The following LRP1B variants were observed in gnomAD, a reference collection of about 807,000 sequenced individuals.
LRP1B encodes low-density lipoprotein receptor-related protein 1B.
Under a neutral mutation model 556.6 loss-of-function variants are expected in LRP1B, and 217 were observed. That is an observed-to-expected ratio of 0.39 (90% CI 0.35 to 0.44). The LOEUF is 0.44. LRP1B is among the 20% of genes least tolerant of loss of function. The pLI is 1.00. For missense variants in LRP1B, 5,053 were observed against 5,620.8 expected (o/e 0.90, Z 3.23); for synonymous variants, 2,047 against 1,865.8 (o/e 1.10, Z -2.50).
intron 66 of LRP1B, among the ~76,000 whole-genome samples, chr2:140,427,313 T>C (rs1685705012): frequency 6.6e-6 from 1 of 152,160 alleles, no homozygotes. Context: ...CTCACCCACG[T>C]TGCAGCCCAG....
chr2:141,382,805 T>G (rs911955719), intron 3 of LRP1B, among the ~76,000 whole-genome samples: 3 of 152,206 alleles, frequency 2.0e-5, no homozygotes, highest in Admixed American at 6.5e-5. Context: ...TCTTTGACAT[T>G]GGTCTCAGCA....
At chr2:141,084,467 G>T (rs1243202856) in intron 7 of LRP1B, among the ~76,000 whole-genome samples, 1 of 152,154 alleles carries the variant, frequency 6.6e-6, no homozygotes, top group Non-Finnish European at 1.5e-5. Context: ...AAACCATAGA[G>T]AAATGGCAAA....
chr2:140,373,903 G>A (rs1683105345), intron 68 of LRP1B, among the ~76,000 whole-genome samples: 1 of 152,138 alleles, frequency 6.6e-6, no homozygotes, highest in African/African-American at 2.4e-5. Flanking sequence ...AATCTGTTTT[G>A]CATGGGCAAA....
intron 18 of LRP1B, among the ~76,000 whole-genome samples, chr2:140,966,742 G>T (rs967889316): frequency 6.6e-6 from 1 of 152,118 alleles, no homozygotes; most frequent in Non-Finnish European, 1.5e-5. Context: ...AAGGGATCCC[G>T]TTTCAGCTTT....
At chr2:141,211,150 G>C (rs991654348) in intron 6 of LRP1B, among the ~76,000 whole-genome samples, 8 of 151,782 alleles carry the variant, frequency 5.3e-5, no homozygotes, top group African/African-American at 2.4e-5. Context: ...ACCATGCTCA[G>C]CTAATTTTGG....
chr2:141,243,002 G>A (rs960671839), intron 5 of LRP1B, among the ~76,000 whole-genome samples: 2 of 151,954 alleles, frequency 1.3e-5, no homozygotes, highest in African/African-American at 4.8e-5. Flanking sequence ...TTAAAAGAAA[G>A]TCAAATTTTA....
At chr2:140,543,594 T>C (rs189258505) in intron 43 of LRP1B, among the ~76,000 whole-genome samples, 71 of 151,978 alleles carry the variant, frequency 4.7e-4, no homozygotes, top group African/African-American at 1.4e-3. Flanking sequence ...AATAGAAATA[T>C]AACGAGGCAC....
intron 43 of LRP1B, among the ~76,000 whole-genome samples, chr2:140,566,492 T>G (rs1350574597): frequency 1.3e-5 from 2 of 152,070 alleles, no homozygotes; most frequent in Admixed American, 1.3e-4. Context: ...TCAGCTGGAG[T>G]TGAGCACTGC....
chr2:140,582,135 T>C (rs1373021281), intron 43 of LRP1B, among the ~76,000 whole-genome samples: 1 of 152,130 alleles, frequency 6.6e-6, no homozygotes, highest in Non-Finnish European at 1.5e-5. Context: ...AAAAAAAAAT[T>C]CTCATTTACC....
At chr2:141,050,525 G>C (rs958833889) in intron 10 of LRP1B, among the ~76,000 whole-genome samples, 1 of 151,966 alleles carries the variant, frequency 6.6e-6, no homozygotes, top group Non-Finnish European at 1.5e-5. Flanking sequence ...AGGCCCCGTT[G>C]TGTGTTGTTC....
In LRP1B at chr2:141,480,475, G is replaced by A. The variant is rs768054323; in HGVS notation, c.264C>T (p.Asn88=). The A allele has an allele frequency of 1.2e-6, 2 of 1,613,946 alleles. No homozygotes were observed. The highest frequency in any genetic ancestry group is 2.2e-5 in the South Asian group (2 of 91,080). The part of the protein sequence containing the change: ...PLNHIACLGT[N]KCVHLSQLCN... ...ACAGCTGGGATAAATGAACACATTT[G>A]TTGGTACCAAGGCAAGCAATGTGAT... Residue 88 remains asparagine (N), a synonymous_variant, in exon 3 of 91, where the codon AAC becomes AAT. Transcript: ENST00000389484.
rs2104951853 is a variant in LRP1B, at chr2:140,274,451, T to C, written c.13115A>G (p.Asn4372Ser). 1 of 1,612,566 alleles carries C rather than the reference T, an allele frequency of 6.2e-7. No homozygotes were observed. Among genetic ancestry groups the C allele is most frequent in the Non-Finnish European group, 8.5e-7 (1 of 1,179,012 alleles). Residue 4372 changes from asparagine (N) to serine (S), a missense_variant, in exon 85 of 91, where the codon AAT becomes AGT. Asn to Ser is a conservative substitution (Grantham distance 46, BLOSUM62 1). This residue lies in a region of LRP1B where 551 missense variants were observed against 592.0 expected (regional missense o/e 0.93). Transcript: ENST00000389484. ...VRCHGGHCII[N>S]KDSEDIFCNC... ...GCAAAATATATCTTCACTGTCTTTA[T>C]TTATAATGCAGTGCCCCCCATGGCA...
intron 23 of LRP1B, among the ~76,000 whole-genome samples, chr2:140,889,962 C>A (rs982966980): frequency 3.9e-5 from 6 of 151,968 alleles, no homozygotes; most frequent in African/African-American, 1.4e-4. Context: ...ATCATAAGGC[C>A]ATTTACTACA....
intron 60 of LRP1B, among the ~76,000 whole-genome samples, chr2:140,462,503 G>C (rs1467468959): frequency 3.3e-5 from 5 of 152,180 alleles, no homozygotes. Context: ...GTCTTTAATA[G>C]ACAGGCTCAG....
At chr2:141,898,356 A>G (rs1260968867) in intron 1 of LRP1B, among the ~76,000 whole-genome samples, 1 of 152,126 alleles carries the variant, frequency 6.6e-6, no homozygotes, top group Non-Finnish European at 1.5e-5. Context: ...ACACAGAGTC[A>G]CTTTAATACC....
chr2:141,830,464 T>G lies in LRP1B; in HGVS notation c.83-20063A>C, dbSNP rs574996154. 3.3e-3 allele frequency among the ~76,000 whole-genome samples: 496 copies of G among 151,978 alleles called. 3 individuals are homozygous for G. The highest frequency in any genetic ancestry group is 0.012 in the African/African-American group (479 of 41,520). ...ATCTCCCCTTCTCTCAGCATATCAC[T>G]CAACACAGAACACATTCCAAGATTC... On this transcript the variant is annotated intron_variant, in intron 1 of 90. Coordinates refer to ENST00000389484, the MANE Select transcript of LRP1B (RefSeq NM_018557.3).
intron 18 of LRP1B, among the ~76,000 whole-genome samples, chr2:140,966,332 G>A (rs1696220148): frequency 6.6e-6 from 1 of 152,100 alleles, no homozygotes; most frequent in African/African-American, 2.4e-5. Context: ...ACATGTCTGT[G>A]GGCTGCATAA....
At chr2:140,703,716 T>C (rs542906181) in intron 37 of LRP1B, among the ~76,000 whole-genome samples, 2 of 152,254 alleles carry the variant, frequency 1.3e-5, no homozygotes, top group East Asian at 3.9e-4. Flanking sequence ...CCCATGTTCA[T>C]GTTCATGTGT....
chr2:141,399,737 GT>G (rs1458330641), intron 3 of LRP1B, among the ~76,000 whole-genome samples: 1 of 152,100 alleles, frequency 6.6e-6, no homozygotes, highest in Admixed American at 6.5e-5. Context: ...CATTGTCCTC[GT>G]TTGTGACTTA....
Sources: gnomAD v4.1 joint callset for allele counts (sites outside exome capture counted in the v4.1 genomes callset) on GRCh38, gnomAD v4.1.1 for gene constraint, gnomAD v4.1.1 regional missense constraint, MANE v1.5 for transcripts, NCBI Gene and HGNC (gene_info 2026-07-23, HGNC 2026-07-21) for gene names.